Variants in TBL1XR1 observed in about 807,000 individuals in gnomAD.
TBL1XR1 encodes the protein TBL1X/Y related 1.
In TBL1XR1, 5 loss-of-function variants were observed where a neutral mutation model predicts 66.9. The observed-to-expected ratio is 0.07, with a 90% CI of 0.04 to 0.16. The LOEUF (loss-of-function observed/expected upper bound fraction) is 0.16. Among genes scored for constraint, TBL1XR1 ranks in the 10% least tolerant of loss-of-function variants. The probability of loss-of-function intolerance (pLI) is 1.00; values close to 1 mark genes in which losing one functional copy is unlikely to be tolerated. For missense variants in TBL1XR1, 238 were observed against 623.2 expected, an observed-to-expected ratio of 0.38 and a Z score of 6.58; for synonymous variants, 210 against 206.0, an observed-to-expected ratio of 1.02 and a Z score of -0.17.
intron 3 of TBL1XR1, among the ~76,000 whole-genome samples, chr3:177,057,669 A>G (rs1213031014): frequency 3.3e-5 from 5 of 152,202 alleles, no homozygotes; most frequent in Non-Finnish European, 5.9e-5. Flanking sequence ...TTTGATTTAT[A>G]TAATAGGAGG....
chr3:177,091,640 T>C (rs1038860034), intron 2 of TBL1XR1, among the ~76,000 whole-genome samples: 3 of 152,112 alleles, frequency 2.0e-5, no homozygotes, highest in African/African-American at 7.2e-5. Flanking sequence ...TCAATAAGAA[T>C]ACAAACTACA....
intron 2 of TBL1XR1, among the ~76,000 whole-genome samples, chr3:177,072,986 C>T (rs1720238686): frequency 6.6e-6 from 1 of 151,998 alleles, no homozygotes; most frequent in Non-Finnish European, 1.5e-5. Context: ...ATCGCTTGAA[C>T]CCAGGAGGTG....
In TBL1XR1 at chr3:177,172,120, G is replaced by A. The variant is rs146659251; in HGVS notation, c.-122+25001C>T. Among the ~76,000 whole-genome samples, 533 of 152,138 alleles carry A rather than the reference G, an allele frequency of 3.5e-3. 26 individuals are homozygous for A. The East Asian group carries it at 0.085, about 24-fold the overall frequency. ...ACTAAAAATACAAAAAATTAGCTGG[G>A]CATGGTGGCACGCACCTGTAATCCC... On this transcript the variant is annotated intron_variant, in intron 1 of 15. Coordinates refer to ENST00000457928, the MANE Select transcript of TBL1XR1 (RefSeq NM_024665.7).
At chr3:177,041,589 T>C (rs766646081) in intron 10 of TBL1XR1, among the ~76,000 whole-genome samples, 2 of 152,224 alleles carry the variant, frequency 1.3e-5, no homozygotes, top group Non-Finnish European at 2.9e-5. Flanking sequence ...GTGCCAACTT[T>C]ATCCGCATGA....
In TBL1XR1 at chr3:177,115,952, A is replaced by G. The variant is rs1426888733; in HGVS notation, c.-121-17411T>C. 4.6e-5 allele frequency among the ~76,000 whole-genome samples: 7 copies of G among 152,290 alleles called. No individual in the cohort carries two copies. The East Asian group carries it at 1.4e-3, about 29-fold the overall frequency. ...GCTGGTAAGGCCTCAGAAGTCCGCT[A>G]GGGAAGGAATGAGGAGGCCAGGGGA... is the stretch of plus-strand genomic sequence containing the variant. On this transcript the variant is annotated intron_variant, in intron 1 of 15. Transcript: ENST00000457928.
chr3:177,181,794 A>G (rs1256056411), intron 1 of TBL1XR1, among the ~76,000 whole-genome samples: 1 of 150,634 alleles, frequency 6.6e-6, no homozygotes, highest in Non-Finnish European at 1.5e-5. Context: ...ATATGCCAGT[A>G]TCAGGTAAAC....
intron 2 of TBL1XR1, among the ~76,000 whole-genome samples, chr3:177,077,433 AGGGAAAAT>A (rs1720828781): frequency 6.6e-6 from 1 of 152,228 alleles, no homozygotes; most frequent in South Asian, 2.1e-4. Flanking sequence ...CTTGAGGAAA[AGGGAAAAT>A]AACTTATATT....
intron 1 of TBL1XR1, among the ~76,000 whole-genome samples, chr3:177,155,946 T>C (rs2108869620): frequency 6.6e-6 from 1 of 151,274 alleles, no homozygotes; most frequent in South Asian, 2.1e-4. Flanking sequence ...GAGGTGAAGG[T>C]TGTGGTGAGC....
intron 1 of TBL1XR1, among the ~76,000 whole-genome samples, chr3:177,195,134 AT>A (rs528791460): frequency 8.6e-4 from 131 of 152,262 alleles, no homozygotes; most frequent in African/African-American, 2.9e-3. Context: ...GTCAAAAAAA[AT>A]AGTAGTTATT....
At chr3:177,092,771 T>G (rs1223550308) in intron 2 of TBL1XR1, among the ~76,000 whole-genome samples, 1 of 150,396 alleles carries the variant, frequency 6.6e-6, no homozygotes, top group Admixed American at 6.6e-5. Context: ...TCTTCTGAGA[T>G]CCCAAAAAGA....
chr3:177,163,739 G>A (rs1003733660), intron 1 of TBL1XR1, among the ~76,000 whole-genome samples: 1 of 152,040 alleles, frequency 6.6e-6, no homozygotes, highest in Non-Finnish European at 1.5e-5. Context: ...ACTTGGTAGG[G>A]GTAGGGGTAG....
intron 1 of TBL1XR1, among the ~76,000 whole-genome samples, chr3:177,169,492 G>T (rs1159786988): frequency 6.6e-6 from 1 of 152,158 alleles, no homozygotes; most frequent in Non-Finnish European, 1.5e-5. Context: ...CATGGAATAA[G>T]AAACTATTCA....
At chr3:177,045,414 C>T (rs776815120) in intron 10 of TBL1XR1, among the ~76,000 whole-genome samples, 13 of 152,026 alleles carry the variant, frequency 8.6e-5, no homozygotes, top group Admixed American at 5.2e-4. Flanking sequence ...TAGGCTTAAA[C>T]GGAGCGTGGG....
chr3:177,084,119 A>G (rs1437995947), intron 2 of TBL1XR1, among the ~76,000 whole-genome samples: 2 of 152,162 alleles, frequency 1.3e-5, no homozygotes, highest in South Asian at 2.1e-4. Flanking sequence ...AGAAAAGAAA[A>G]GAAAAAACTT....
At chr3:177,083,550 TG>T (rs1721710340) in intron 2 of TBL1XR1, among the ~76,000 whole-genome samples, 1 of 152,246 alleles carries the variant, frequency 6.6e-6, no homozygotes, top group Non-Finnish European at 1.5e-5. Flanking sequence ...AACAGGAATC[TG>T]ACTTCGAGAA....
intron 1 of TBL1XR1, among the ~76,000 whole-genome samples, chr3:177,191,703 G>A (rs1281852082): frequency 1.3e-5 from 2 of 152,162 alleles, no homozygotes; most frequent in East Asian, 3.8e-4. Context: ...CAGATAAAAA[G>A]TGGTCAGGAA....
At chr3:177,133,737 G>GCT (rs1039856690) in intron 1 of TBL1XR1, among the ~76,000 whole-genome samples, 1 of 151,618 alleles carries the variant, frequency 6.6e-6, no homozygotes, top group Non-Finnish European at 1.5e-5. Context: ...CCCCATCTCT[G>GCT]CTAAAAATAC....
At chr3:177,126,623 T>C (rs1727663256) in intron 1 of TBL1XR1, among the ~76,000 whole-genome samples, 1 of 152,172 alleles carries the variant, frequency 6.6e-6, no homozygotes, top group Non-Finnish European at 1.5e-5. Flanking sequence ...TACTGCCAAC[T>C]TGTATTACTT....
intron 3 of TBL1XR1, among the ~76,000 whole-genome samples, chr3:177,058,831 G>A (rs772974450): frequency 2.6e-5 from 4 of 152,132 alleles, no homozygotes; most frequent in Admixed American, 6.6e-5. Flanking sequence ...TTGTCCCTTT[G>A]ATAAGTGTGC....
Sources: allele counts gnomAD v4.1 joint callset (sites outside exome capture counted in the v4.1 genomes callset), GRCh38; gene constraint gnomAD v4.1.1; transcripts MANE v1.5; gene names NCBI Gene and HGNC (gene_info 2026-07-23, HGNC 2026-07-21).